The following ZBTB20 variants were observed in gnomAD, a reference collection of about 807,000 sequenced individuals.
ZBTB20 encodes the protein zinc finger and BTB domain-containing protein 20.
ZBTB20 carries 9 observed loss-of-function variants against 56.9 expected under a neutral mutation model. That is an observed-to-expected ratio of 0.16 (90% confidence interval 0.10 to 0.28). The LOEUF (loss-of-function observed/expected upper bound fraction) is 0.28, where lower values mean the gene tolerates loss of function less well. ZBTB20 is among the 10% of genes least tolerant of loss of function. ZBTB20 has a pLI of 1.00. For synonymous variants in ZBTB20, 417 were observed against 420.7 expected, an observed-to-expected ratio of 0.99 and a Z score of 0.11; for missense variants, 655 against 1,003.0, an observed-to-expected ratio of 0.65 and a Z score of 4.69.
chr3:114,607,750 T>G (rs941954625), intron 6 of ZBTB20, among the ~76,000 whole-genome samples: 1 of 152,188 alleles, frequency 6.6e-6, no homozygotes, highest in Non-Finnish European at 1.5e-5. Context: ...GTTGATTATC[T>G]TAGACTAAAC....
chr3:114,343,173 G>C (rs1235345996), intron 11 of ZBTB20, among the ~76,000 whole-genome samples: 1 of 151,258 alleles, frequency 6.6e-6, no homozygotes, highest in Non-Finnish European at 1.5e-5. Context: ...GAAAGATCCT[G>C]CTTAGGTTAG....
intron 6 of ZBTB20, among the ~76,000 whole-genome samples, chr3:114,522,924 C>G (rs2046800920): frequency 6.6e-6 from 1 of 152,066 alleles, no homozygotes; most frequent in Non-Finnish European, 1.5e-5. Flanking sequence ...AATATGTGAG[C>G]CTAGAATTCT....
At chr3:114,832,684 T>G (rs1003472163) in intron 4 of ZBTB20, among the ~76,000 whole-genome samples, 1 of 152,124 alleles carries the variant, frequency 6.6e-6, no homozygotes, top group Non-Finnish European at 1.5e-5. Context: ...AATATGTAAG[T>G]CTAATTTTTT....
At position 114,328,027 on chromosome 3, in the gene ZBTB20, T is replaced by C. The variant is rs1443563986; in HGVS notation, c.*10978A>G. On this transcript the variant is annotated 3_prime_UTR_variant, in exon 12 of 12. Coordinates refer to ENST00000675478, the MANE Select transcript of ZBTB20 (RefSeq NM_001348800.3). ...AGGGAGATCTAGCATGACAACCAAA[T>C]TATATGGGGCGTATTTAGGTGCTGG... 2 of 152,156 alleles carry C rather than the reference T, an allele frequency of 1.3e-5. No individual in the cohort carries two copies. The highest frequency in any genetic ancestry group is 4.8e-5 in the African/African-American group (2 of 41,442). 9.4% of individuals were successfully genotyped at this position (152,156 alleles called of 1,614,324 possible).
intron 10 of ZBTB20, among the ~76,000 whole-genome samples, chr3:114,360,106 T>TAA (rs549101588): frequency 7.1e-6 from 1 of 139,934 alleles, no homozygotes; most frequent in Non-Finnish European, 1.6e-5. Flanking sequence ...ATAGTGTCAT[T>TAA]AAAAAAAAAA....
chr3:114,489,333 A>C (rs565333845), intron 7 of ZBTB20, among the ~76,000 whole-genome samples: 1 of 152,264 alleles, frequency 6.6e-6, no homozygotes, highest in African/African-American at 2.4e-5. Context: ...CAAGTTTGAC[A>C]CTTTGAGATG....
Position 114,477,623 on chromosome 3 carries a change from G to A in ZBTB20, c.-255+22729C>T, listed in dbSNP as rs1396893278. The stretch of plus-strand genomic sequence containing the variant: ...CGATTCTCCTGCCTCAGCCTCCCGA[G>A]TATCTGGGATTACAGGCGCCCAACA... On this transcript the variant is annotated intron_variant, in intron 7 of 11. Transcript: ENST00000675478. Among the ~76,000 whole-genome samples, 3 of 150,788 alleles carry A rather than the reference G, an allele frequency of 2.0e-5. No individual in the cohort carries two copies. The East Asian group carries it at 5.9e-4, about 30-fold the overall frequency.
At chr3:114,578,416 A>G (rs2054310366) in intron 6 of ZBTB20, among the ~76,000 whole-genome samples, 1 of 152,006 alleles carries the variant, frequency 6.6e-6, no homozygotes, top group African/African-American at 2.4e-5. Context: ...AGAAAAGGAT[A>G]ATAGCTGAGA....
At chr3:114,379,345 A>C (rs1474332371) in intron 10 of ZBTB20, among the ~76,000 whole-genome samples, 1 of 152,226 alleles carries the variant, frequency 6.6e-6, no homozygotes, top group Non-Finnish European at 1.5e-5. Flanking sequence ...TAAGACTAAA[A>C]GGAATATTCT....
Position 114,996,196 on chromosome 3 carries a change from A to T in ZBTB20, c.-506-21780T>A, listed in dbSNP as rs139390665. Among the ~76,000 whole-genome samples the T allele has an allele frequency of 8.0e-4, 122 of 151,720 alleles. 1 individual carries two copies. The East Asian group carries it at 0.021, about 26-fold the overall frequency. ...AACATGTAGAATGGTGAGAAATCTT[A>T]TTTTTTTCTTTTCTTTTTTTTATTA... is the stretch of plus-strand genomic sequence containing the variant. On this transcript the variant is annotated intron_variant, in intron 2 of 11. Transcript: ENST00000675478.
At chr3:114,867,176 G>A (rs1273535960) in intron 4 of ZBTB20, among the ~76,000 whole-genome samples, 1 of 152,014 alleles carries the variant, frequency 6.6e-6, no homozygotes, top group Non-Finnish European at 1.5e-5. Flanking sequence ...GCAGGGGTAG[G>A]GGCAAATTTT....
At chr3:114,423,764 C>A (rs2089399138) in intron 7 of ZBTB20, among the ~76,000 whole-genome samples, 1 of 152,144 alleles carries the variant, frequency 6.6e-6, no homozygotes, top group African/African-American at 2.4e-5. Flanking sequence ...TTATCTGTGA[C>A]AATTTAGTTA....
intron 2 of ZBTB20, among the ~76,000 whole-genome samples, chr3:115,061,814 CA>C: frequency 6.6e-6 from 1 of 152,144 alleles, no homozygotes; most frequent in South Asian, 2.1e-4. Context: ...ATATTATGAA[CA>C]GTAAAAGTCA....
intron 7 of ZBTB20, among the ~76,000 whole-genome samples, chr3:114,389,466 TTTTC>T (rs2085557726): frequency 6.6e-6 from 1 of 151,652 alleles, no homozygotes; most frequent in African/African-American, 2.4e-5. Flanking sequence ...TCTAGTATCC[TTTTC>T]TTTTTTTTTT....
intron 6 of ZBTB20, among the ~76,000 whole-genome samples, chr3:114,617,534 A>G (rs749096283): frequency 9.2e-5 from 14 of 152,170 alleles, no homozygotes; most frequent in Non-Finnish European, 1.6e-4. Flanking sequence ...TATTACCCCA[A>G]CTTGTTTCCC....
Position 114,319,529 on chromosome 3 carries a change from T to C in ZBTB20, c.*19476A>G, listed in dbSNP as rs1423688143. 6.6e-6 allele frequency: 1 copy of C among 152,180 alleles called. No individual in the cohort carries two copies. Among genetic ancestry groups the C allele is most frequent in the African/African-American group, 2.4e-5 (1 of 41,440 alleles). 9.4% of individuals were successfully genotyped at this position (152,180 alleles called of 1,614,324 possible). A position where few individuals can be genotyped will look rare whatever the true frequency, so the allele number is the denominator to read the frequency against. On this transcript the variant is annotated 3_prime_UTR_variant, in exon 12 of 12. Transcript: ENST00000675478. The stretch of plus-strand genomic sequence containing the variant: ...GTCAGTTGGCTAGGAAAAATACCGC[T>C]GTTCTTCCCTTTACTGTGCATTTGT...
chr3:114,517,470 T>C (rs2046135892), intron 6 of ZBTB20, among the ~76,000 whole-genome samples: 1 of 152,162 alleles, frequency 6.6e-6, no homozygotes, highest in Non-Finnish European at 1.5e-5. Context: ...CAATGAGGTC[T>C]CATACTAGAG....
intron 4 of ZBTB20, among the ~76,000 whole-genome samples, chr3:114,840,904 T>C (rs1460475717): frequency 6.6e-6 from 1 of 152,154 alleles, no homozygotes; most frequent in East Asian, 1.9e-4. Flanking sequence ...CAAGAACCGA[T>C]CTTTCTTACT....
At chr3:114,423,728 T>C (rs2089394851) in intron 7 of ZBTB20, among the ~76,000 whole-genome samples, 1 of 152,204 alleles carries the variant, frequency 6.6e-6, no homozygotes. Context: ...CCAGTGTAAG[T>C]TTTATGAAAT....
Sources: gnomAD v4.1 joint callset for allele counts (sites outside exome capture counted in the v4.1 genomes callset) on GRCh38, gnomAD v4.1.1 for gene constraint, MANE v1.5 for transcripts, NCBI Gene and HGNC (gene_info 2026-07-23, HGNC 2026-07-21) for gene names.